Variants in FANCC observed in about 807,000 individuals in gnomAD.
FANCC encodes the protein Fanconi anemia group C protein.
In FANCC, 55 loss-of-function variants were observed where a neutral mutation model predicts 71.3. The observed-to-expected ratio is 0.77, with a 90% CI of 0.62 to 0.97. The LOEUF is 0.97. Ranked by LOEUF, FANCC falls within the 50% of genes least tolerant of loss-of-function variation. FANCC has a pLI of 0.00. For synonymous variants in FANCC, 275 were observed against 244.9 expected, an observed-to-expected ratio of 1.12 and a Z score of -1.15; for missense variants, 678 against 670.9, an observed-to-expected ratio of 1.01 and a Z score of -0.12.
chr9:95,247,598 C>A, intron 2 of FANCC, 82 bp from the exon 3 acceptor site: 1 of 878,830 alleles, frequency 1.1e-6, no homozygotes, highest in Non-Finnish European at 1.9e-6. Flanking sequence ...ATTGAGGGAA[C>A]GTGAATGCTT....
At chr9:95,129,588 G>A (rs951771965) in intron 8 of FANCC, among the ~76,000 whole-genome samples, 1 of 152,144 alleles carries the variant, frequency 6.6e-6, no homozygotes, top group Non-Finnish European at 1.5e-5. Flanking sequence ...CTATAAAAGC[G>A]GGGAAATAAA....
At chr9:95,296,639 G>A (rs1415358818) in intron 1 of FANCC, among the ~76,000 whole-genome samples, 1 of 152,102 alleles carries the variant, frequency 6.6e-6, no homozygotes. Context: ...ACAGAAAGTG[G>A]AGAAAAGGCA....
chr9:95,209,251 C>G (rs895666491), intron 4 of FANCC, among the ~76,000 whole-genome samples: 1 of 152,100 alleles, frequency 6.6e-6, no homozygotes, highest in Non-Finnish European at 1.5e-5. Context: ...AGGGAGAGCA[C>G]GAATAATTTC....
At chr9:95,159,871 GTTGT>G (rs1445602540) in intron 6 of FANCC, among the ~76,000 whole-genome samples, 6 of 152,180 alleles carry the variant, frequency 3.9e-5, no homozygotes, top group South Asian at 2.1e-4. Context: ...TTTTGATGGG[GTTGT>G]TTGTTTTCTT....
chr9:95,316,652 G>A (rs1000393607), intron 1 of FANCC, among the ~76,000 whole-genome samples: 2 of 152,176 alleles, frequency 1.3e-5, no homozygotes, highest in Non-Finnish European at 1.5e-5. Context: ...GGCACATACA[G>A]GACTTTGCTA....
At chr9:95,139,107 T>TG (rs1191441689) in intron 7 of FANCC, among the ~76,000 whole-genome samples, 1 of 152,236 alleles carries the variant, frequency 6.6e-6, no homozygotes, top group Non-Finnish European at 1.5e-5. Context: ...AACATATTTG[T>TG]GTTCTACCTG....
chr9:95,201,311 C>T (rs984694356), intron 4 of FANCC, among the ~76,000 whole-genome samples: 14 of 152,146 alleles, frequency 9.2e-5, no homozygotes, highest in African/African-American at 2.2e-4. Flanking sequence ...CAGTTAACCT[C>T]TGTGAAACTA....
chr9:95,135,266 C>G (rs575584025), intron 8 of FANCC, 80 bp downstream of exon 8: 15 of 1,343,324 alleles, frequency 1.1e-5, no homozygotes, highest in Middle Eastern at 2.4e-4. Flanking sequence ...TACATCCCCC[C>G]CTTTCATTCT....
At chr9:95,127,167 G>A (rs1489403987) in intron 8 of FANCC, 1 of 153,702 alleles carries the variant, frequency 6.5e-6, no homozygotes, top group Non-Finnish European at 1.4e-5. Context: ...ATTTCTCCTT[G>A]AATATTTCGG....
chr9:95,299,924 A>C (rs943439180), intron 1 of FANCC, among the ~76,000 whole-genome samples: 5 of 152,120 alleles, frequency 3.3e-5, no homozygotes, highest in Admixed American at 6.5e-5. Context: ...TCATCTCCTC[A>C]AAGTCTGTCC....
intron 1 of FANCC, among the ~76,000 whole-genome samples, chr9:95,263,362 T>C (rs1016187812): frequency 1.3e-5 from 2 of 152,118 alleles, no homozygotes; most frequent in African/African-American, 2.4e-5. Flanking sequence ...TATCCGCCAG[T>C]GCCAGGGGTG....
intron 1 of FANCC, among the ~76,000 whole-genome samples, chr9:95,308,385 G>A (rs2136402712): frequency 6.6e-6 from 1 of 152,172 alleles, no homozygotes; most frequent in South Asian, 2.1e-4. Flanking sequence ...CCGAGTTCAA[G>A]CGATTCTTGT....
chr9:95,115,949 T>TA (rs566966182), intron 11 of FANCC, among the ~76,000 whole-genome samples: 315 of 152,334 alleles, frequency 2.1e-3, no homozygotes, highest in South Asian at 3.5e-3. Context: ...ATCATGCCAC[T>TA]AAAAAACACT....
At chr9:95,245,722 C>T (rs2136080285) in intron 3 of FANCC, among the ~76,000 whole-genome samples, 1 of 151,742 alleles carries the variant, frequency 6.6e-6, no homozygotes, top group East Asian at 2.0e-4. Flanking sequence ...CATGGTGAAA[C>T]CCCATCTCTA....
At chr9:95,274,340 C>A (rs1832914990) in intron 1 of FANCC, among the ~76,000 whole-genome samples, 1 of 152,132 alleles carries the variant, frequency 6.6e-6, no homozygotes, top group African/African-American at 2.4e-5. Flanking sequence ...CATGTCCCTG[C>A]AAAGGACATG....
intron 1 of FANCC, among the ~76,000 whole-genome samples, chr9:95,250,833 C>T (rs563395309): frequency 6.6e-6 from 1 of 152,366 alleles, no homozygotes; most frequent in East Asian, 1.9e-4. Flanking sequence ...AATTCATTCT[C>T]TATGCAGTAG....
At chr9:95,101,901 T>C (rs1442798228) in intron 14 of FANCC, 51 bp from the exon 15 acceptor site, 11 of 1,609,144 alleles carry the variant, frequency 6.8e-6, no homozygotes, top group East Asian at 2.2e-5. Context: ...CCAGACAGAT[T>C]TGTCCTTTGT....
intron 4 of FANCC, among the ~76,000 whole-genome samples, chr9:95,194,043 A>G (rs1370792363): frequency 2.0e-5 from 3 of 152,038 alleles, no homozygotes; most frequent in East Asian, 3.9e-4. Context: ...CATACACCAA[A>G]CCAACTGAAG....
chr9:95,110,649 T>C, intron 13 of FANCC: 7 of 1,046,852 alleles, frequency 6.7e-6, no homozygotes, highest in Non-Finnish European at 8.1e-6. Flanking sequence ...TATTAGTCTG[T>C]GTGTTTTCAA....
Sources: allele counts gnomAD v4.1 joint callset (sites outside exome capture counted in the v4.1 genomes callset), GRCh38; gene constraint gnomAD v4.1.1; transcripts MANE v1.5; gene names NCBI Gene and HGNC (gene_info 2026-07-23, HGNC 2026-07-21).